Variants in UNC13B observed in about 807,000 individuals in gnomAD.
UNC13B encodes protein unc-13 homolog B.
In UNC13B, 144 loss-of-function variants were observed where a neutral mutation model predicts 211.0. That is an observed-to-expected ratio of 0.68 (90% CI 0.60 to 0.78). UNC13B has a LOEUF of 0.78. Among genes scored for constraint, UNC13B ranks in the 30% least tolerant of loss-of-function variants. UNC13B has a pLI of 0.00. For missense variants in UNC13B, 1,777 were observed against 2,002.0 expected, an observed-to-expected ratio of 0.89 and a Z score of 2.14; for synonymous variants, 709 against 725.8, an observed-to-expected ratio of 0.98 and a Z score of 0.37.
At chr9:35,201,923 G>T (rs139198660) in intron 1 of UNC13B, among the ~76,000 whole-genome samples, 8 of 152,108 alleles carry the variant, frequency 5.3e-5, no homozygotes, top group Non-Finnish European at 1.2e-4. Flanking sequence ...TCTTTTCATT[G>T]TGACGTTAGG....
chr9:35,202,784 G>A (rs1334163449), intron 1 of UNC13B, among the ~76,000 whole-genome samples: 1 of 149,754 alleles, frequency 6.7e-6, no homozygotes, highest in Non-Finnish European at 1.5e-5. Flanking sequence ...GCACACTGAT[G>A]GGTCTTGACT....
Position 35,184,808 on chromosome 9 carries a change from G to A in UNC13B, c.22+22503G>A, listed in dbSNP as rs1475856656. ...GAAAGAAAGAGAAAGAAGCGGGGGG[G>A]GGGGGGGAGAGAGAGAGAGAGAGAG... is the stretch of plus-strand genomic sequence containing the variant. On this transcript the variant is annotated intron_variant, in intron 1 of 39. Transcript: ENST00000635942. 8.3e-5 allele frequency among the ~76,000 whole-genome samples: 8 copies of A among 96,078 alleles called. 1 individual carries two copies. Among genetic ancestry groups the A allele is most frequent in the East Asian group, 7.2e-4 (1 of 1,386 alleles). The allele number at this position is 96,078 out of a possible 152,430, so 63.0% of individuals were successfully genotyped here. A position where few individuals can be genotyped will look rare whatever the true frequency, so the allele number is the denominator to read the frequency against.
At chr9:35,252,944 A>T (rs945630048) in intron 6 of UNC13B, among the ~76,000 whole-genome samples, 15 of 144,506 alleles carry the variant, frequency 1.0e-4, no homozygotes, top group East Asian at 1.9e-4. Context: ...GAAAAAAAAA[A>T]TTTTTTTTCT....
intron 1 of UNC13B, among the ~76,000 whole-genome samples, chr9:35,169,290 G>T (rs896821613): frequency 6.6e-6 from 1 of 152,120 alleles, no homozygotes; most frequent in East Asian, 1.9e-4. Context: ...AGAGATTGAG[G>T]GTGTAGTGAG....
At chr9:35,290,592 C>T (rs755229392) in intron 7 of UNC13B, among the ~76,000 whole-genome samples, 3 of 151,652 alleles carry the variant, frequency 2.0e-5, no homozygotes, top group Non-Finnish European at 4.4e-5. Context: ...AAGGGAATTA[C>T]TCCCTTACCC....
chr9:35,357,023 A>T (rs1405327704), intron 11 of UNC13B, among the ~76,000 whole-genome samples: 1 of 152,186 alleles, frequency 6.6e-6, no homozygotes, highest in Non-Finnish European at 1.5e-5. Flanking sequence ...CTTGCTTATT[A>T]TGAATAATGC....
At chr9:35,250,957 CTTTTTTTTTTTTT>C (rs35077779) in intron 6 of UNC13B, among the ~76,000 whole-genome samples, 1 of 77,060 alleles carries the variant, frequency 1.3e-5, no homozygotes, top group African/African-American at 5.3e-5. Flanking sequence ...GTTACTCTTC[CTTTTTTTTTTTTT>C]TTTTTTTTTT....
chr9:35,292,080 A>C (rs1253226068), intron 7 of UNC13B, among the ~76,000 whole-genome samples: 1 of 152,216 alleles, frequency 6.6e-6, no homozygotes, highest in Middle Eastern at 3.2e-3. Context: ...TAAGGTTTTC[A>C]AGTAGAAAAA....
rs555244 is a variant in UNC13B at position 35,301,143 on chromosome 9, T to C, written c.1739T>C (p.Leu580Ser). Residue 580 changes from leucine to serine, a missense_variant, in exon 9 of 40, where the codon TTG (leucine) becomes TCG (serine). By Grantham distance (145) the Leu-to-Ser change is moderately radical. Transcript: ENST00000635942. ...ETLNQIEAIN[L>S]GSKPRAMAVL... The stretch of plus-strand genomic sequence containing the variant: ...CTTAATCAAATAGAGGCAATTAATT[T>C]GGGATCTAAACCCAGAGCCATGGCA... The C allele has an allele frequency of 0.49, 194,293 of 398,550 alleles. 48,114 individuals are homozygous for C. Among genetic ancestry groups the C allele is most frequent in the Admixed American group, 0.57 (12,947 of 22,690 alleles). The allele number at this position is 398,550 out of a possible 1,614,324, so 24.7% of individuals were successfully genotyped here.
chr9:35,403,998 A>T lies in UNC13B; in HGVS notation c.12988A>T (p.Lys4330Ter). The change falls in exon 40 of 40, where the codon AAA (lysine) becomes TAA (stop). Residue 4330 changes from lysine to a stop codon, truncating the protein, a stop_gained. Coordinates refer to ENST00000635942, the MANE Select transcript of UNC13B (RefSeq NM_001371189.2). LOFTEE classifies it high-confidence loss of function. ...GGTGGCCCGAGAATTTGTGAAACTCAAATCAGAGTCTCGTTCCACGGAGGA... is the reference window on the plus strand; with the variant it reads ...GGTGGCCCGAGAATTTGTGAAACTCTAATCAGAGTCTCGTTCCACGGAGGA... Reference protein sequence around the residue: ...DEVAREFVKLKSESRSTEEGS With the variant: ...DEVAREFVKL 1.2e-6 allele frequency: 2 copies of T among 1,613,964 alleles called. No homozygotes were observed. Among genetic ancestry groups the T allele is most frequent in the Non-Finnish European group, 1.7e-6 (2 of 1,180,008 alleles).
intron 7 of UNC13B, among the ~76,000 whole-genome samples, chr9:35,278,849 G>A (rs1587528430): frequency 6.6e-6 from 1 of 152,028 alleles, no homozygotes; most frequent in African/African-American, 2.4e-5. Context: ...CTACCCAGAG[G>A]TAACCACTAC....
At chr9:35,182,312 T>G (rs1821981306) in intron 1 of UNC13B, among the ~76,000 whole-genome samples, 1 of 151,970 alleles carries the variant, frequency 6.6e-6, no homozygotes, top group African/African-American at 2.4e-5. Flanking sequence ...TCCTTTTGAT[T>G]TTTATCTGCC....
At chr9:35,355,449 T>C (rs1832966289) in intron 11 of UNC13B, among the ~76,000 whole-genome samples, 1 of 152,216 alleles carries the variant, frequency 6.6e-6, no homozygotes, top group Non-Finnish European at 1.5e-5. Context: ...TAGAGCTCCT[T>C]CTTAGAACTT....
chr9:35,254,252 C>G (rs1446034509), intron 6 of UNC13B, among the ~76,000 whole-genome samples: 4 of 152,132 alleles, frequency 2.6e-5, no homozygotes, highest in Non-Finnish European at 5.9e-5. Flanking sequence ...ACAATGCAAA[C>G]TGGATAGCTT....
rs558696713 is a variant in UNC13B, at chr9:35,346,192, T to C, written c.9415-20755T>C. 5.3e-5 allele frequency among the ~76,000 whole-genome samples: 8 copies of C among 152,292 alleles called. No homozygotes were observed. The South Asian group carries it at 1.5e-3, about 28-fold the overall frequency. ...TTAGCCATACAACATAATTGATATA[T>C]GGCCCAGAAATGCTCTGTCCTCTGT... On this transcript the variant is annotated intron_variant, in intron 11 of 39. Coordinates refer to ENST00000635942, the MANE Select transcript of UNC13B (RefSeq NM_001371189.2).
intron 3 of UNC13B, among the ~76,000 whole-genome samples, chr9:35,231,774 C>T (rs1825217127): frequency 6.6e-6 from 1 of 151,982 alleles, no homozygotes; most frequent in South Asian, 2.1e-4. Flanking sequence ...TCGTGTATGA[C>T]AAAGTTTAGT....
chr9:35,308,847 G>A (rs1830048549), intron 9 of UNC13B, among the ~76,000 whole-genome samples: 1 of 152,172 alleles, frequency 6.6e-6, no homozygotes, highest in African/African-American at 2.4e-5. Context: ...GATCTATTTT[G>A]CTTTGTTTTT....
intron 1 of UNC13B, among the ~76,000 whole-genome samples, chr9:35,191,340 C>G (rs1822649966): frequency 6.6e-6 from 1 of 152,294 alleles, no homozygotes; most frequent in South Asian, 2.1e-4. Flanking sequence ...AGATCAGACC[C>G]AACCAACTCC....
chr9:35,173,444 G>A (rs1266376091), intron 1 of UNC13B, among the ~76,000 whole-genome samples: 1 of 149,662 alleles, frequency 6.7e-6, no homozygotes, highest in East Asian at 2.0e-4. Flanking sequence ...TTTTTTTGGG[G>A]ACAGAGTCTC....
Sources: gnomAD v4.1 joint callset for allele counts (sites outside exome capture counted in the v4.1 genomes callset) on GRCh38, gnomAD v4.1.1 for gene constraint, MANE v1.5 for transcripts, NCBI Gene and HGNC (gene_info 2026-07-23, HGNC 2026-07-21) for gene names.